The following LRRC37A3 variants were observed in gnomAD, a reference collection of about 807,000 sequenced individuals.
LRRC37A3 encodes leucine-rich repeat-containing protein 37A3.
LRRC37A3 carries 25 observed loss-of-function variants against 106.2 expected under a neutral mutation model. That is an observed-to-expected ratio of 0.24 (90% CI 0.17 to 0.33). The LOEUF (loss-of-function observed/expected upper bound fraction) is 0.33. Ranked by LOEUF, LRRC37A3 falls within the 10% of genes least tolerant of loss-of-function variation. The probability of loss-of-function intolerance (pLI) is 1.00; values close to 1 mark genes in which losing one functional copy is unlikely to be tolerated. For missense variants in LRRC37A3, 712 were observed against 1,644.9 expected (o/e 0.43, Z 9.81); for synonymous variants, 305 against 635.8 (o/e 0.48, Z 7.83).
At chr17:64,869,766 C>T (rs1057423423) in intron 8 of LRRC37A3, among the ~76,000 whole-genome samples, 2 of 151,996 alleles carry the variant, frequency 1.3e-5, no homozygotes, top group Admixed American at 1.3e-4. Context: ...GTTTTGAACT[C>T]CTGACCTCAG....
Position 64,860,744 on chromosome 17 carries a change from C to T in LRRC37A3, c.3402G>A (p.Val1134=). 1.2e-6 allele frequency: 2 copies of T among 1,614,040 alleles called. No individual in the cohort carries two copies. The highest frequency in any genetic ancestry group is 8.5e-7 in the Non-Finnish European group (1 of 1,179,954). The change falls in exon 12 of 15, where the codon GTG becomes GTA. Residue 1134 remains valine, a synonymous_variant. Coordinates refer to ENST00000584306, the MANE Select transcript of LRRC37A3 (RefSeq NM_199340.5). ...TAATGAACGGTAGTAACAGTGATTT[C>T]ACATCTAGGTTAACGGCTGAGAAAT... ...LPYFSAVNLD[V]KSLLLPFIKL...
intron 8 of LRRC37A3, among the ~76,000 whole-genome samples, chr17:64,880,468 C>T (rs1462824188): frequency 6.6e-6 from 1 of 152,158 alleles, no homozygotes; most frequent in Non-Finnish European, 1.5e-5. Flanking sequence ...TTTAGATTCA[C>T]AGTAGATGAT....
intron 8 of LRRC37A3, among the ~76,000 whole-genome samples, chr17:64,872,152 A>AG (rs1164996460): frequency 6.7e-6 from 1 of 148,320 alleles, no homozygotes; most frequent in East Asian, 2.0e-4. Context: ...AAAAAAAAAA[A>AG]AGAGAGACAT....
In LRRC37A3 at chr17:64,916,592, A is replaced by G. The variant is rs1225975982; in HGVS notation, c.-496+2158T>C. On this transcript the variant is annotated intron_variant, in intron 2 of 14. Transcript: ENST00000584306. ...AGGATTCGAAATCAGTCTGGGCAAC[A>G]TATCAAAACCCCATCTCTATTAAAA... Among the ~76,000 whole-genome samples the G allele has an allele frequency of 5.4e-5, 8 of 147,908 alleles. No homozygotes were observed. In the East Asian group the frequency reaches 1.6e-3, roughly 30 times the overall value.
intron 2 of LRRC37A3, among the ~76,000 whole-genome samples, chr17:64,915,585 C>T (rs1389919610): frequency 1.3e-5 from 2 of 152,220 alleles, no homozygotes; most frequent in East Asian, 3.8e-4. Flanking sequence ...AAAAGTCTGG[C>T]AAGGTCTGGG....
At chr17:64,866,808 T>C (rs1471893774) in intron 10 of LRRC37A3, among the ~76,000 whole-genome samples, 1 of 141,042 alleles carries the variant, frequency 7.1e-6, no homozygotes, top group Non-Finnish European at 1.5e-5. Flanking sequence ...TTTTTATATA[T>C]ATATATATAT....
intron 10 of LRRC37A3, among the ~76,000 whole-genome samples, chr17:64,863,761 G>A (rs1401173552): frequency 2.0e-5 from 3 of 152,158 alleles, no homozygotes; most frequent in Non-Finnish European, 4.4e-5. Flanking sequence ...GATCTTCACT[G>A]AACTCAAAGT....
Position 64,860,510 on chromosome 17 carries a change from C to G in LRRC37A3, c.3636G>C (p.Arg1212Ser). ...EEKRLGSPAP[R>S]ELKQPHTQQG... ...GCTGTGTGTGAGGCTGTTTCAGCTC[C>G]CTTGGGGCTGGACTTCCGAGCCTTT... The change falls in exon 12 of 15, where the codon AGG becomes AGC. Residue 1212 changes from arginine (R) to serine (S), a missense_variant. Physicochemically the swap from Arg to Ser is moderately radical, Grantham distance 110. Coordinates refer to ENST00000584306, the MANE Select transcript of LRRC37A3 (RefSeq NM_199340.5). 6.2e-7 allele frequency: 1 copy of G among 1,613,006 alleles called. No homozygotes were observed. The highest frequency in any genetic ancestry group is 8.5e-7 in the Non-Finnish European group (1 of 1,179,852).
chr17:64,860,468 T>C lies in LRRC37A3; in HGVS notation c.3678A>G (p.Leu1226=). The change falls in exon 12 of 15, where the codon TTA becomes TTG. Residue 1226 remains leucine, a synonymous_variant. Coordinates refer to ENST00000584306, the MANE Select transcript of LRRC37A3 (RefSeq NM_199340.5). ...QPHTQQGPEK[L]AGNAVYTKPS... is the part of the protein sequence containing the mutation. ...GCTTGGTGTAGACGGCGTTTCCCGC[T>C]AACTTCTCAGGCCCCTGCTGTGTGT... The C allele has an allele frequency of 8.7e-6, 14 of 1,613,582 alleles. No homozygotes were observed. The highest frequency in any genetic ancestry group is 1.2e-5 in the Non-Finnish European group (14 of 1,179,838).
intron 10 of LRRC37A3, among the ~76,000 whole-genome samples, chr17:64,865,484 T>G (rs1973035102): frequency 6.6e-6 from 1 of 152,234 alleles, no homozygotes; most frequent in Non-Finnish European, 1.5e-5. Context: ...AAACATTTTC[T>G]TTTTTTCCTT....
intron 8 of LRRC37A3, among the ~76,000 whole-genome samples, chr17:64,873,083 A>G (rs1973376040): frequency 6.6e-6 from 1 of 151,964 alleles, no homozygotes; most frequent in African/African-American, 2.4e-5. Context: ...GAGACTTTAC[A>G]GAAGAAGTTC....
At position 64,859,800 on chromosome 17, in the gene LRRC37A3, T is replaced by C. The variant is rs761318374; in HGVS notation, c.4346A>G (p.Asn1449Ser). The change falls in exon 12 of 15, where the codon AAC becomes AGC. Residue 1449 changes from asparagine (N) to serine (S), a missense_variant. Asn to Ser is a conservative substitution (Grantham distance 46). Coordinates refer to ENST00000584306, the MANE Select transcript of LRRC37A3 (RefSeq NM_199340.5). ...KQTETKWEYN[N>S]VGTDLSPEPK... ...CTCGGGGGACAGGTCAGTGCCCACG[T>C]TGTTGTATTCCCATTTTGTCTCAGT... is the stretch of plus-strand genomic sequence containing the variant. 8.4e-5 allele frequency: 135 copies of C among 1,612,006 alleles called. No homozygotes were observed. Among genetic ancestry groups the C allele is most frequent in the Non-Finnish European group, 1.1e-4 (129 of 1,179,910 alleles).
At chr17:64,874,286 C>T (rs1973422647) in intron 8 of LRRC37A3, among the ~76,000 whole-genome samples, 1 of 152,180 alleles carries the variant, frequency 6.6e-6, no homozygotes, top group Non-Finnish European at 1.5e-5. Context: ...AGGAGCGCCT[C>T]TGCCCGGCCG....
intron 8 of LRRC37A3, among the ~76,000 whole-genome samples, chr17:64,871,978 A>G (rs1395590391): frequency 1.3e-5 from 2 of 151,634 alleles, no homozygotes; most frequent in Admixed American, 6.6e-5. Context: ...CTAAATATAC[A>G]AAAATTAGCT....
At chr17:64,859,070 A>G (rs1163687967) in intron 12 of LRRC37A3, among the ~76,000 whole-genome samples, 187 bp from the exon 13 acceptor site, 5 of 151,970 alleles carry the variant, frequency 3.3e-5, no homozygotes, top group African/African-American at 7.3e-5. Flanking sequence ...CTCCCACCTC[A>G]GCCTCCCAAG....
rs1232315068 is a variant in LRRC37A3, at chr17:64,854,545, G to A, written c.*54C>T. 2.1e-5 allele frequency: 34 copies of A among 1,612,848 alleles called. No individual in the cohort carries two copies. Among genetic ancestry groups the A allele is most frequent in the Middle Eastern group, 1.7e-4 (1 of 6,056 alleles). The stretch of plus-strand genomic sequence containing the variant: ...CTTCAGTCCTGCTTTTTTGATGGCC[G>A]TTGTTTACGCTATGTATTTTTGCAG... On this transcript the variant is annotated 3_prime_UTR_variant, in exon 15 of 15. Transcript: ENST00000584306.
intron 8 of LRRC37A3, among the ~76,000 whole-genome samples, chr17:64,873,710 G>T (rs1973400927): frequency 6.6e-6 from 1 of 151,000 alleles, no homozygotes; most frequent in Admixed American, 6.6e-5. Context: ...GACAGAATGG[G>T]GAACTTGAAG....
intron 5 of LRRC37A3, among the ~76,000 whole-genome samples, chr17:64,890,927 G>A (rs1268821513): frequency 2.0e-5 from 1 of 49,034 alleles, no homozygotes; most frequent in Admixed American, 2.4e-4. Context: ...TGTATTTTTA[G>A]TAGAGATGGG....
chr17:64,897,326 T>C lies in LRRC37A3; in HGVS notation c.-69A>G. On this transcript the variant is annotated 5_prime_UTR_variant, in exon 4 of 15. Transcript: ENST00000584306. ...CCGCCCTGTCTTTATGACACCTTTA[T>C]TTATGCCACAGATCTGCTCCATGTC... The C allele has an allele frequency of 6.2e-7, 1 of 1,606,978 alleles. No homozygotes were observed. The highest frequency in any genetic ancestry group is 8.5e-7 in the Non-Finnish European group (1 of 1,179,354).
Sources: gnomAD v4.1 joint callset for allele counts (sites outside exome capture counted in the v4.1 genomes callset) on GRCh38, gnomAD v4.1.1 for gene constraint, MANE v1.5 for transcripts, NCBI Gene and HGNC (gene_info 2026-07-23, HGNC 2026-07-21) for gene names.